Variants in SCCPDH observed in about 807,000 individuals in gnomAD.
The protein encoded by SCCPDH is saccharopine dehydrogenase-like oxidoreductase.
A neutral mutation model predicts 51.5 loss-of-function variants in SCCPDH; 34 were observed. The observed-to-expected ratio is 0.66, with a 90% CI of 0.50 to 0.88. The LOEUF (loss-of-function observed/expected upper bound fraction) is 0.88. Among genes scored for constraint, SCCPDH ranks in the 40% least tolerant of loss-of-function variants. The pLI is 0.00. For missense variants in SCCPDH, 464 were observed against 527.1 expected (o/e 0.88, Z 1.17); for synonymous variants, 187 against 191.3 (o/e 0.98, Z 0.19).
At chr1:246,755,194 CA>C (rs763624967) in intron 5 of SCCPDH, among the ~76,000 whole-genome samples, 5 of 152,306 alleles carry the variant, frequency 3.3e-5, no homozygotes, top group African/African-American at 9.6e-5. Context: ...AATATGAATC[CA>C]TTTTGTAGTT....
intron 11 of SCCPDH, among the ~76,000 whole-genome samples, chr1:246,766,983 C>A (rs1437073772): frequency 6.6e-6 from 1 of 152,188 alleles, no homozygotes; most frequent in Non-Finnish European, 1.5e-5. Context: ...AGGAACAGAG[C>A]CAGTCTAGAT....
In SCCPDH at chr1:246,767,256, A is replaced by C. The variant is rs758724342; in HGVS notation, c.1246A>C (p.Lys416Gln). The C allele has an allele frequency of 1.9e-6, 3 of 1,611,728 alleles. No homozygotes were observed. In the African/African-American group the frequency reaches 4.0e-5, roughly 22 times the overall value. ...SKTKLIDRLNKHGIEFSVISS... is the reference protein window; with the variant it reads ...SKTKLIDRLNQHGIEFSVISS... ...AACAAAGTTGATTGACAGACTCAAC[A>C]AACACGGTATTGAGTTTAGTGTTAT... The change falls in exon 12 of 12, where the codon AAA becomes CAA. Residue 416 changes from lysine (K) to glutamine (Q), a missense_variant. Transcript: ENST00000366510.
intron 4 of SCCPDH, among the ~76,000 whole-genome samples, chr1:246,742,255 G>A (rs1426652754): frequency 3.3e-5 from 5 of 152,252 alleles, no homozygotes; most frequent in African/African-American, 9.6e-5. Context: ...ATGCTTTAAC[G>A]TCTGTGAAGT....
chr1:246,741,662 A>G lies in SCCPDH; in HGVS notation c.514+1361A>G, dbSNP rs190243714. 5.4e-4 allele frequency among the ~76,000 whole-genome samples: 82 copies of G among 152,334 alleles called. 2 individuals carry two copies. The highest frequency in any genetic ancestry group is 5.2e-3 in the Admixed American group (80 of 15,300). ...AGGTTTAGCATTAGGAAGTTATGCA[A>G]TTATATCAGAGGTGAACAGCTATAT... On this transcript the variant is annotated intron_variant, in intron 4 of 11. Transcript: ENST00000366510.
chr1:246,741,136 A>G (rs1455808179), intron 4 of SCCPDH, among the ~76,000 whole-genome samples: 1 of 152,138 alleles, frequency 6.6e-6, no homozygotes, highest in African/African-American at 2.4e-5. Flanking sequence ...AAACTGAAAC[A>G]GGTAACTTCA....
intron 2 of SCCPDH, among the ~76,000 whole-genome samples, chr1:246,731,839 TTCTC>T (rs1280221137): frequency 2.6e-5 from 4 of 152,142 alleles, no homozygotes; most frequent in African/African-American, 4.8e-5. Context: ...CATTAGGTAT[TTCTC>T]TCAATGCTAT....
At chr1:246,733,818 T>G (rs575849519) in intron 2 of SCCPDH, among the ~76,000 whole-genome samples, 32 of 152,152 alleles carry the variant, frequency 2.1e-4, no homozygotes, top group Middle Eastern at 6.8e-3. Context: ...AAAAGGAAAA[T>G]GTAGGCAAAG....
At chr1:246,762,399 G>T (rs563088456) in intron 9 of SCCPDH, among the ~76,000 whole-genome samples, 6 of 152,112 alleles carry the variant, frequency 3.9e-5, no homozygotes, top group Non-Finnish European at 5.9e-5. Flanking sequence ...TGAACTTTTC[G>T]TAGCATTCCT....
Position 246,758,276 on chromosome 1 carries a change from A to G in SCCPDH, c.615A>G (p.Gly205=). The change falls in exon 6 of 12, where the codon GGA becomes GGG. Residue 205 remains glycine (G), a synonymous_variant. Coordinates refer to ENST00000366510, the MANE Select transcript of SCCPDH (RefSeq NM_016002.3). Reference sequence around the variant, plus strand: ...GGAAGTCAGCAATTTATGGTTTTGGAGATCAGAGTAATTTGAGAAAACTAA... The same window carrying G: ...GGAAGTCAGCAATTTATGGTTTTGGGGATCAGAGTAATTTGAGAAAACTAA... ...GTWKSAIYGF[G]DQSNLRKLRN... The G allele has an allele frequency of 1.2e-6, 2 of 1,609,934 alleles. No individual in the cohort carries two copies. The highest frequency in any genetic ancestry group is 1.7e-6 in the Non-Finnish European group (2 of 1,177,670).
At chr1:246,737,929 C>A (rs1001626377) in intron 3 of SCCPDH, among the ~76,000 whole-genome samples, 3 of 152,024 alleles carry the variant, frequency 2.0e-5, no homozygotes, top group African/African-American at 7.2e-5. Flanking sequence ...GGCACGTTGG[C>A]TCATACCTGT....
intron 9 of SCCPDH, 92 bp from the exon 10 acceptor site, chr1:246,764,154 A>G (rs1051570184): frequency 5.6e-6 from 4 of 717,942 alleles, no homozygotes; most frequent in Admixed American, 2.4e-5. Context: ...TCTATTGACA[A>G]TGTCTCACTT....
intron 2 of SCCPDH, among the ~76,000 whole-genome samples, chr1:246,731,554 C>T (rs571045756): frequency 6.6e-6 from 1 of 152,280 alleles, no homozygotes; most frequent in South Asian, 2.1e-4. Context: ...GTAGTGGAAG[C>T]AAGCACACTG....
chr1:246,732,604 T>G (rs1558166854), intron 2 of SCCPDH, among the ~76,000 whole-genome samples: 1 of 152,178 alleles, frequency 6.6e-6, no homozygotes, highest in Admixed American at 6.5e-5. Context: ...GTCAGGCTAG[T>G]CTTGAACTCC....
intron 1 of SCCPDH, among the ~76,000 whole-genome samples, chr1:246,725,556 A>G (rs980445280): frequency 1.5e-4 from 23 of 152,248 alleles, no homozygotes; most frequent in Admixed American, 3.9e-4. Context: ...TGTTTAATCT[A>G]CTTTCATACA....
intron 2 of SCCPDH, among the ~76,000 whole-genome samples, chr1:246,727,422 A>G (rs1164038616): frequency 6.6e-6 from 1 of 152,258 alleles, no homozygotes; most frequent in East Asian, 1.9e-4. Flanking sequence ...TTGAATAAAT[A>G]TTTATTGATG....
At chr1:246,743,279 G>A (rs376731517) in intron 4 of SCCPDH, among the ~76,000 whole-genome samples, 1 of 152,028 alleles carries the variant, frequency 6.6e-6, no homozygotes, top group East Asian at 1.9e-4. Flanking sequence ...ACTGCAGCTG[G>A]CTAATTTTTT....
chr1:246,726,705 C>T (rs1572291005), intron 1 of SCCPDH, among the ~76,000 whole-genome samples, 187 bp from the exon 2 acceptor site: 4 of 152,082 alleles, frequency 2.6e-5, no homozygotes, highest in Admixed American at 1.3e-4. Flanking sequence ...ACTCAGTTTT[C>T]CTCATAATTT....
chr1:246,761,847 C>T (rs540958055), intron 9 of SCCPDH, among the ~76,000 whole-genome samples: 51 of 152,328 alleles, frequency 3.3e-4, no homozygotes, highest in African/African-American at 1.2e-3. Context: ...TATGCTGCTG[C>T]GAACATGGGT....
At chr1:246,735,011 A>C (rs1668546034) in intron 2 of SCCPDH, among the ~76,000 whole-genome samples, 1 of 152,216 alleles carries the variant, frequency 6.6e-6, no homozygotes, top group Non-Finnish European at 1.5e-5. Flanking sequence ...AATTTTGACC[A>C]ATAATACCAC....
Sources: gnomAD v4.1 joint callset for allele counts (sites outside exome capture counted in the v4.1 genomes callset) on GRCh38, gnomAD v4.1.1 for gene constraint, MANE v1.5 for transcripts, NCBI Gene and HGNC (gene_info 2026-07-23, HGNC 2026-07-21) for gene names.